Variants in PCDH7 observed in about 807,000 individuals in gnomAD.
PCDH7 encodes the protein protocadherin-7.
Under a neutral mutation model 58.9 loss-of-function variants are expected in PCDH7, and 17 were observed. The observed-to-expected ratio is 0.29, with a 90% CI of 0.20 to 0.43. The LOEUF (loss-of-function observed/expected upper bound fraction) is 0.43. PCDH7 is among the 20% of genes least tolerant of loss of function. The pLI, the probability that PCDH7 is intolerant of heterozygous loss-of-function variation, is 1.00. For missense variants in PCDH7, 1,274 were observed against 1,441.0 expected, an observed-to-expected ratio of 0.88 and a Z score of 1.88; for synonymous variants, 664 against 616.4, an observed-to-expected ratio of 1.08 and a Z score of -1.14.
intron 1 of PCDH7, among the ~76,000 whole-genome samples, chr4:30,807,980 A>G (rs1244879295): frequency 6.6e-6 from 1 of 152,196 alleles, no homozygotes; most frequent in Non-Finnish European, 1.5e-5. Flanking sequence ...CTCTCTGGAG[A>G]GTCTACAGTG....
intron 3 of PCDH7, among the ~76,000 whole-genome samples, chr4:31,058,532 T>C (rs1245018697): frequency 2.0e-5 from 3 of 152,056 alleles, no homozygotes. Flanking sequence ...AAATGATATA[T>C]ATGACATTTT....
At chr4:31,114,566 T>G (rs1243570998) in intron 3 of PCDH7, among the ~76,000 whole-genome samples, 1 of 151,720 alleles carries the variant, frequency 6.6e-6, no homozygotes, top group African/African-American at 2.4e-5. Flanking sequence ...AAGTATGAAG[T>G]TTATTGGATC....
intron 1 of PCDH7, among the ~76,000 whole-genome samples, chr4:30,748,848 G>A (rs914718512): frequency 2.0e-5 from 3 of 152,142 alleles, no homozygotes; most frequent in Admixed American, 1.3e-4. Flanking sequence ...TACTCTCTAA[G>A]GAGTGGCCTG....
intron 3 of PCDH7, among the ~76,000 whole-genome samples, chr4:31,061,980 TTAA>T (rs1183259027): frequency 6.6e-6 from 1 of 151,710 alleles, no homozygotes; most frequent in Non-Finnish European, 1.5e-5. Flanking sequence ...TATGATGCAT[TTAA>T]TAATGTGTCG....
chr4:30,940,009 A>C (rs1390044241), intron 2 of PCDH7, among the ~76,000 whole-genome samples: 2 of 152,004 alleles, frequency 1.3e-5, no homozygotes, highest in African/African-American at 4.8e-5. Flanking sequence ...TTAGAGGAAA[A>C]ACAGGTCAAA....
Position 30,722,396 on chromosome 4 carries a change from C to T in PCDH7, c.974C>T (p.Thr325Ile), listed in dbSNP as rs150612530. 1.6e-4 allele frequency: 264 copies of T among 1,612,512 alleles called. 1 individual carries two copies. The highest frequency in any genetic ancestry group is 2.5e-5 in the Non-Finnish European group (29 of 1,179,920). ...TTGGCTGAGAACAGCGCCCCGGGGA[C>T]CCCCATCCTGCAACTGCGCGCAGCC... is the stretch of plus-strand genomic sequence containing the variant. The change falls in exon 1 of 2, where the codon ACC becomes ATC. Residue 325 changes from threonine (T) to isoleucine (I), a missense_variant. Coordinates refer to ENST00000361762, the Ensembl canonical transcript of PCDH7. The surrounding 1 kb of genome is among the most constrained non-coding windows in gnomAD (Gnocchi z 7.6).
chr4:30,902,832 T>G (rs1027013960), intron 1 of PCDH7, among the ~76,000 whole-genome samples: 1 of 152,164 alleles, frequency 6.6e-6, no homozygotes, highest in Non-Finnish European at 1.5e-5. Flanking sequence ...TAAAATATGA[T>G]TGTTCTACTA....
At chr4:31,017,115 A>G (rs957315660) in intron 3 of PCDH7, among the ~76,000 whole-genome samples, 3 of 152,148 alleles carry the variant, frequency 2.0e-5, no homozygotes, top group Non-Finnish European at 4.4e-5. Context: ...TCAGAGAAGT[A>G]CACCCAGTTA....
At chr4:31,072,248 T>C (rs1758604969) in intron 3 of PCDH7, among the ~76,000 whole-genome samples, 1 of 152,254 alleles carries the variant, frequency 6.6e-6, no homozygotes, top group South Asian at 2.1e-4. Flanking sequence ...AAAAGAATTA[T>C]AATTACATCA....
At chr4:31,108,811 A>C (rs1172243278) in intron 3 of PCDH7, among the ~76,000 whole-genome samples, 1 of 152,220 alleles carries the variant, frequency 6.6e-6, no homozygotes, top group Non-Finnish European at 1.5e-5. Context: ...TGTGCAGAGA[A>C]TACTATCAGC....
intron 1 of PCDH7, among the ~76,000 whole-genome samples, chr4:30,914,198 G>A (rs980942780): frequency 1.1e-4 from 16 of 152,140 alleles, no homozygotes; most frequent in Admixed American, 7.2e-4. Context: ...GTATATGGTA[G>A]TTTAAAAAAG....
chr4:30,890,039 G>A (rs145386070), intron 1 of PCDH7, among the ~76,000 whole-genome samples: 307 of 152,226 alleles, frequency 2.0e-3, no homozygotes, highest in African/African-American at 6.9e-3. Flanking sequence ...TGGTCAGTTC[G>A]GCTTAGGTGT....
At chr4:31,039,463 T>A (rs999400716) in intron 3 of PCDH7, among the ~76,000 whole-genome samples, 3 of 152,132 alleles carry the variant, frequency 2.0e-5, no homozygotes, top group African/African-American at 7.2e-5. Flanking sequence ...CAGGCATGAC[T>A]GTGGTGCTCT....
At chr4:30,873,423 A>G (rs930307477) in intron 1 of PCDH7, among the ~76,000 whole-genome samples, 3 of 138,246 alleles carry the variant, frequency 2.2e-5, no homozygotes, top group Admixed American at 1.4e-4. Flanking sequence ...TATGGCAGAG[A>G]AAAACCTCTT....
chr4:31,035,811 T>C (rs1755364164), intron 3 of PCDH7, among the ~76,000 whole-genome samples: 2 of 152,194 alleles, frequency 1.3e-5, no homozygotes, highest in African/African-American at 4.8e-5. Flanking sequence ...TCCTTGAGGA[T>C]GTGGAAGGAT....
At chr4:30,762,242 T>C (rs1016761699) in intron 1 of PCDH7, among the ~76,000 whole-genome samples, 2 of 152,316 alleles carry the variant, frequency 1.3e-5, no homozygotes, top group South Asian at 2.1e-4. Context: ...AGCAATTTTG[T>C]ATTTCTTAAA....
chr4:30,807,808 TAGAG>T (rs1315845097), intron 1 of PCDH7, among the ~76,000 whole-genome samples: 2 of 152,082 alleles, frequency 1.3e-5, no homozygotes, highest in East Asian at 1.9e-4. Flanking sequence ...TTCTCATTGA[TAGAG>T]AGGGCCCAGA....
Position 30,769,007 on chromosome 4 carries a change from C to T in PCDH7, c.70+44411C>T, listed in dbSNP as rs376605506. 4.0e-4 allele frequency among the ~76,000 whole-genome samples: 61 copies of T among 152,300 alleles called. 1 individual carries two copies. In the South Asian group the frequency reaches 0.012, roughly 29 times the overall value. On this transcript the variant is annotated intron_variant, in intron 1 of 3. Transcript: ENST00000509759. ...TAGATTAGCAATGATTGTGTTTCCA[C>T]TTCCATACACTATTTAAAATAATTG...
intron 3 of PCDH7, among the ~76,000 whole-genome samples, chr4:31,013,988 G>A (rs912107916): frequency 6.6e-6 from 1 of 151,956 alleles, no homozygotes; most frequent in Non-Finnish European, 1.5e-5. Flanking sequence ...TATTTGCAAA[G>A]AAATCATACA....
Sources: gnomAD v4.1 joint callset for allele counts (sites outside exome capture counted in the v4.1 genomes callset) on GRCh38, gnomAD v4.1.1 for gene constraint, Gnocchi (gnomAD v3.1) non-coding constraint, MANE v1.5 for transcripts, NCBI Gene and HGNC (gene_info 2026-07-23, HGNC 2026-07-21) for gene names.